Variants in SVOP observed in about 807,000 individuals in gnomAD.
SVOP encodes synaptic vesicle 2-related protein.
A neutral mutation model predicts 69.1 loss-of-function variants in SVOP; 17 were observed. The ratio of observed to expected loss-of-function variants is 0.25; its 90% CI spans 0.17 to 0.37. The LOEUF is 0.37. Among genes scored for constraint, SVOP ranks in the 10% least tolerant of loss-of-function variants. The pLI is 1.00. For missense variants in SVOP, 435 were observed against 597.5 expected (o/e 0.73, Z 2.84); for synonymous variants, 238 against 238.6 (o/e 1.00, Z 0.02).
chr12:108,913,068 TTTTTG>T (rs1363624833), intron 15 of SVOP, among the ~76,000 whole-genome samples: 2 of 140,298 alleles, frequency 1.4e-5, no homozygotes, highest in African/African-American at 3.3e-5. Flanking sequence ...TTTTTTTTGT[TTTTTG>T]TTTTTTTTGT....
chr12:108,972,206 T>C (rs536338093), intron 5 of SVOP, among the ~76,000 whole-genome samples, 199 bp downstream of exon 5: 4 of 151,672 alleles, frequency 2.6e-5, no homozygotes, highest in Non-Finnish European at 5.9e-5. Context: ...GATTCTGAAA[T>C]GTATATGCGT....
At chr12:108,980,977 C>T (rs1414535822) in intron 2 of SVOP, among the ~76,000 whole-genome samples, 5 of 152,078 alleles carry the variant, frequency 3.3e-5, no homozygotes, top group Admixed American at 1.3e-4. Context: ...GGGTGACCTC[C>T]GAGGATCTCA....
At chr12:108,931,980 C>T (rs188587364) in intron 11 of SVOP, among the ~76,000 whole-genome samples, 19 of 152,152 alleles carry the variant, frequency 1.2e-4, no homozygotes, top group Middle Eastern at 3.4e-3. Context: ...CGTGAGGGCT[C>T]TTTAGGGGAT....
At chr12:109,009,244 G>A (rs1257758898) in intron 1 of SVOP, among the ~76,000 whole-genome samples, 1 of 151,784 alleles carries the variant, frequency 6.6e-6, no homozygotes, top group African/African-American at 2.4e-5. Context: ...TTACAGGCAT[G>A]AGCCACCGCA....
At chr12:108,943,463 G>A (rs2039904315) in intron 7 of SVOP, among the ~76,000 whole-genome samples, 1 of 151,952 alleles carries the variant, frequency 6.6e-6, no homozygotes. Flanking sequence ...GCCAGGCGTG[G>A]TGGTGGGCAC....
chr12:108,940,634 AGGCCAT>A, intron 8 of SVOP, 144 bp downstream of exon 8: 1 of 1,217,368 alleles, frequency 8.2e-7, no homozygotes, highest in Non-Finnish European at 1.1e-6. Context: ...GGGCTACCCC[AGGCCAT>A]AGCTCCCTTG....
At chr12:109,019,475 C>T (rs1251338302) in intron 1 of SVOP, among the ~76,000 whole-genome samples, 1 of 152,016 alleles carries the variant, frequency 6.6e-6, no homozygotes, top group East Asian at 1.9e-4. Context: ...ATTCTGAGTA[C>T]CAAAGTTCAC....
At position 108,912,457 on chromosome 12, in the gene SVOP, C is replaced by T. The variant is rs548627413; in HGVS notation, c.*78G>A. 21 of 1,595,620 alleles carry T rather than the reference C, an allele frequency of 1.3e-5. No individual in the cohort carries two copies. In the African/African-American group the frequency reaches 1.9e-4, roughly 14 times the overall value. ...GGTGAGTTCTTGATGTCGGCAGTGA[C>T]AATCAGTGCCCCAGTTGGGGCCTGC... On this transcript the variant is annotated 3_prime_UTR_variant, in exon 16 of 16. Coordinates refer to ENST00000610966, the MANE Select transcript of SVOP (RefSeq NM_018711.5).
At chr12:108,978,686 G>A in intron 2 of SVOP, 23 bp from the exon 3 acceptor site, 1 of 703,596 alleles carries the variant, frequency 1.4e-6, no homozygotes, top group Non-Finnish European at 2.6e-6. Flanking sequence ...AAGGGAGAGG[G>A]AAGGAAGGAA....
intron 2 of SVOP, among the ~76,000 whole-genome samples, chr12:108,981,327 G>A (rs1193062859): frequency 6.6e-6 from 1 of 152,190 alleles, no homozygotes; most frequent in Non-Finnish European, 1.5e-5. Context: ...GTAGAGCCCA[G>A]ATCAGCCTGA....
At chr12:109,000,102 GAC>G (rs1239489598) in intron 1 of SVOP, among the ~76,000 whole-genome samples, 2 of 152,046 alleles carry the variant, frequency 1.3e-5, no homozygotes, top group African/African-American at 4.8e-5. Context: ...GAATCAAATA[GAC>G]ACAATAAAAA....
intron 1 of SVOP, among the ~76,000 whole-genome samples, chr12:109,016,252 A>G (rs1398095432): frequency 2.0e-5 from 3 of 152,220 alleles, no homozygotes; most frequent in Admixed American, 1.3e-4. Context: ...GGCCACCCAG[A>G]TAGGGCCGGA....
rs998027982 is a variant in SVOP, at chr12:108,908,450, A to G, written c.*4085T>C. On this transcript the variant is annotated 3_prime_UTR_variant, in exon 16 of 16. Coordinates refer to ENST00000610966, the MANE Select transcript of SVOP (RefSeq NM_018711.5). ...TAATATTTGGAGATTTCACAGAAAA[A>G]CCTAGACTCCTCTTTTGAACATTGT... 2.0e-5 allele frequency: 3 copies of G among 152,152 alleles called. No individual in the cohort carries two copies. The highest frequency in any genetic ancestry group is 2.9e-5 in the Non-Finnish European group (2 of 68,014). 9.4% of individuals were successfully genotyped at this position (152,152 alleles called of 1,614,324 possible). A position where few individuals can be genotyped will look rare whatever the true frequency, so the allele number is the denominator to read the frequency against.
At chr12:108,978,347 T>G in intron 3 of SVOP, 1 of 482,512 alleles carries the variant, frequency 2.1e-6, no homozygotes, top group Non-Finnish European at 3.7e-6. Flanking sequence ...GCCACCTAAT[T>G]AGCTAGAAAG....
chr12:108,917,096 C>A (rs1042645830), intron 14 of SVOP, among the ~76,000 whole-genome samples: 7 of 152,236 alleles, frequency 4.6e-5, no homozygotes, highest in Non-Finnish European at 1.0e-4. Context: ...ACCCTCCACT[C>A]TGGGGGTTCC....
chr12:108,987,547 T>G (rs530165127), intron 1 of SVOP, among the ~76,000 whole-genome samples: 1 of 152,228 alleles, frequency 6.6e-6, no homozygotes, highest in Non-Finnish European at 1.5e-5. Context: ...CTGCACCGTT[T>G]TGTATTCTCA....
intron 5 of SVOP, among the ~76,000 whole-genome samples, chr12:108,971,833 C>T (rs1400067391): frequency 6.6e-6 from 1 of 151,744 alleles, no homozygotes; most frequent in African/African-American, 2.4e-5. Context: ...GCAGGAGGAT[C>T]GCTTGAGGCC....
chr12:108,952,737 T>C (rs2039963277), intron 6 of SVOP, among the ~76,000 whole-genome samples: 1 of 152,142 alleles, frequency 6.6e-6, no homozygotes, highest in Non-Finnish European at 1.5e-5. Context: ...CACACATCTG[T>C]ACTCCTAGCT....
chr12:108,911,410 T>A lies in SVOP; in HGVS notation c.*1125A>T, dbSNP rs2039681451. The A allele has an allele frequency of 6.6e-6, 1 of 152,114 alleles. No individual in the cohort carries two copies. Among genetic ancestry groups the A allele is most frequent in the Non-Finnish European group, 1.5e-5 (1 of 68,056 alleles). The allele number at this position is 152,114 out of a possible 1,614,324, so 9.4% of individuals were successfully genotyped here. Reference sequence around the variant, plus strand: ...GCAAACCTGAGTAAACTTTTTCCCCTCAAGAGTCATCATTCAGGCCGGGTG... The same window carrying A: ...GCAAACCTGAGTAAACTTTTTCCCCACAAGAGTCATCATTCAGGCCGGGTG... On this transcript the variant is annotated 3_prime_UTR_variant, in exon 16 of 16. Transcript: ENST00000610966.
Sources: allele counts gnomAD v4.1 joint callset (sites outside exome capture counted in the v4.1 genomes callset), GRCh38; gene constraint gnomAD v4.1.1; transcripts MANE v1.5; gene names NCBI Gene and HGNC (gene_info 2026-07-23, HGNC 2026-07-21).